The following XKR6 variants were observed in gnomAD, a reference collection of about 807,000 sequenced individuals.
The protein encoded by XKR6 is XK related 6, also known as XK-related protein 6.
A neutral mutation model predicts 56.7 loss-of-function variants in XKR6; 22 were observed. The ratio of observed to expected loss-of-function variants is 0.39; its 90% confidence interval spans 0.28 to 0.55. The LOEUF (loss-of-function observed/expected upper bound fraction) is 0.55, where lower values mean the gene tolerates loss of function less well. Among genes scored for constraint, XKR6 ranks in the 20% least tolerant of loss-of-function variants. The pLI, the probability that XKR6 is intolerant of heterozygous loss-of-function variation, is 0.66. For missense variants in XKR6, 852 were observed against 889.0 expected (o/e 0.96, Z 0.53); for synonymous variants, 524 against 387.8 (o/e 1.35, Z -4.13).
rs60435831 is a variant in XKR6 at position 11,106,863 on chromosome 8, A to AAAAAAAAG, written c.764+93712_764+93713insCTTTTTTT. Among the ~76,000 whole-genome samples, 39 of 109,920 alleles carry AAAAAAAAG rather than the reference A, an allele frequency of 3.5e-4. 1 individual carries two copies. The highest frequency in any genetic ancestry group is 9.2e-4 in the African/African-American group (20 of 21,630). 72.1% of individuals were successfully genotyped at this position (109,920 alleles called of 152,430 possible). On this transcript the variant is annotated intron_variant, in intron 1 of 2. Coordinates refer to ENST00000416569, the MANE Select transcript of XKR6 (RefSeq NM_173683.4). ...GAGACTTCATCTCAAAAAAAAAAAA[A>AAAAAAAAG]AATAAAAAAGATACAACGTTACAAA...
intron 1 of XKR6, among the ~76,000 whole-genome samples, chr8:11,061,199 C>T (rs1201562329): frequency 6.6e-6 from 1 of 152,222 alleles, no homozygotes; most frequent in Non-Finnish European, 1.5e-5. Context: ...TGTGGTGGCT[C>T]ACACCTGTAA....
At chr8:11,145,160 G>A (rs1178808275) in intron 1 of XKR6, among the ~76,000 whole-genome samples, 1 of 152,078 alleles carries the variant, frequency 6.6e-6, no homozygotes, top group African/African-American at 2.4e-5. Context: ...CAAAGGAAAT[G>A]CTCACTGGAG....
chr8:10,897,425 C>G lies in XKR6; in HGVS notation c.*527G>C, dbSNP rs1011235705. ...TTTCCCTCTTCTGGTGCAAAAATCA[C>G]CAGAGAGTTTTGCATGAGAAAACGT... On this transcript the variant is annotated 3_prime_UTR_variant, in exon 3 of 3. Coordinates refer to ENST00000416569, the MANE Select transcript of XKR6 (RefSeq NM_173683.4). 6.6e-6 allele frequency: 1 copy of G among 152,558 alleles called. No individual in the cohort carries two copies. The highest frequency in any genetic ancestry group is 2.4e-5 in the African/African-American group (1 of 41,422). The allele number at this position is 152,558 out of a possible 1,614,324, so 9.5% of individuals were successfully genotyped here.
intron 1 of XKR6, among the ~76,000 whole-genome samples, chr8:11,179,343 T>C (rs191945203): frequency 1.7e-4 from 26 of 152,274 alleles, no homozygotes; most frequent in Non-Finnish European, 3.1e-4. Context: ...TTAGCCACCA[T>C]ACAGAAAAGA....
intron 2 of XKR6, among the ~76,000 whole-genome samples, chr8:10,916,871 C>T (rs541560930): frequency 3.3e-5 from 5 of 152,288 alleles, no homozygotes; most frequent in Admixed American, 1.3e-4. Context: ...GAAGCTCAAA[C>T]GCAGCCCTCT....
In XKR6 at chr8:11,040,933, G is replaced by T. The variant is rs536037634; in HGVS notation, c.765-116103C>A. Among the ~76,000 whole-genome samples, 15 of 152,314 alleles carry T rather than the reference G, an allele frequency of 9.8e-5. No homozygotes were observed. In the South Asian group the frequency reaches 3.1e-3, roughly 32 times the overall value. Reference sequence around the variant, plus strand: ...TTTGGGGGCCTGAAGAAGACTCCCAGAAGCAGGTATCTACGTACATCGGGC... The same window carrying T: ...TTTGGGGGCCTGAAGAAGACTCCCATAAGCAGGTATCTACGTACATCGGGC... On this transcript the variant is annotated intron_variant, in intron 1 of 2. Transcript: ENST00000416569.
At chr8:11,038,407 C>T (rs1417914578) in intron 1 of XKR6, among the ~76,000 whole-genome samples, 1 of 151,632 alleles carries the variant, frequency 6.6e-6, no homozygotes, top group Non-Finnish European at 1.5e-5. Context: ...AATCAGAGAG[C>T]AGGGACACAT....
rs1259323241 is a variant in XKR6, at chr8:11,125,269, G to A, written c.764+75307C>T. Among the ~76,000 whole-genome samples, 3 of 152,072 alleles carry A rather than the reference G, an allele frequency of 2.0e-5. No homozygotes were observed. The South Asian group carries it at 6.2e-4, about 32-fold the overall frequency. ...CGAGGCAACCGCTGCTGCTCTTCCT[G>A]CAAGAGGGGCCAGGCAAATGCAGAC... is the stretch of plus-strand genomic sequence containing the variant. On this transcript the variant is annotated intron_variant, in intron 1 of 2. Transcript: ENST00000416569.
chr8:10,984,726 CTCTCTCTA>C (rs1373927028), intron 1 of XKR6, among the ~76,000 whole-genome samples: 55 of 70,288 alleles, frequency 7.8e-4, no homozygotes, highest in Admixed American at 2.4e-3. Context: ...CTCTCTCTCT[CTCTCTCTA>C]TATATATATA....
At chr8:11,181,151 A>C (rs555428463) in intron 1 of XKR6, among the ~76,000 whole-genome samples, 1 of 152,264 alleles carries the variant, frequency 6.6e-6, no homozygotes, top group East Asian at 1.9e-4. Context: ...ATGGTTGGTT[A>C]ATGTCCATCT....
At chr8:10,974,397 G>A (rs1017982031) in intron 1 of XKR6, among the ~76,000 whole-genome samples, 1 of 152,180 alleles carries the variant, frequency 6.6e-6, no homozygotes, top group Admixed American at 6.5e-5. Flanking sequence ...TCCAAACCAG[G>A]TGAGGGCAAC....
intron 1 of XKR6, among the ~76,000 whole-genome samples, chr8:10,938,140 T>G (rs923769107): frequency 6.6e-6 from 1 of 152,198 alleles, no homozygotes; most frequent in African/African-American, 2.4e-5. Flanking sequence ...AAGCGCAATA[T>G]TCGGGTGGGA....
intron 1 of XKR6, among the ~76,000 whole-genome samples, chr8:11,057,845 C>G (rs1249149704): frequency 6.6e-6 from 1 of 152,166 alleles, no homozygotes; most frequent in Non-Finnish European, 1.5e-5. Flanking sequence ...ATGAGGAGTT[C>G]CTGAGGACAC....
At chr8:11,188,023 T>A (rs1254354839) in intron 1 of XKR6, among the ~76,000 whole-genome samples, 1 of 152,162 alleles carries the variant, frequency 6.6e-6, no homozygotes, top group African/African-American at 2.4e-5. Flanking sequence ...CTGGCCTTAA[T>A]CCTGTTTTTT....
intron 1 of XKR6, among the ~76,000 whole-genome samples, chr8:11,197,022 C>T (rs1260293532): frequency 6.6e-6 from 1 of 152,166 alleles, no homozygotes; most frequent in Non-Finnish European, 1.5e-5. Flanking sequence ...AATCAGAAAA[C>T]AACGCTAAAA....
intron 1 of XKR6, among the ~76,000 whole-genome samples, chr8:10,955,473 A>T (rs1021022552): frequency 1.3e-5 from 2 of 152,178 alleles, no homozygotes; most frequent in African/African-American, 4.8e-5. Flanking sequence ...TCACCACCAC[A>T]TCCAGCCTCT....
At chr8:11,108,040 G>C in intron 1 of XKR6, 1 of 327,110 alleles carries the variant, frequency 3.1e-6, no homozygotes. Flanking sequence ...CAGCGAGGCT[G>C]TATTTTGTAG....
chr8:11,124,008 G>C (rs1473466575), intron 1 of XKR6: 3 of 455,964 alleles, frequency 6.6e-6, no homozygotes, highest in Non-Finnish European at 1.3e-5. Flanking sequence ...AAACAGTCCT[G>C]TCTCTTCATC....
chr8:10,913,377 G>A (rs1800465509), intron 2 of XKR6, among the ~76,000 whole-genome samples: 2 of 152,032 alleles, frequency 1.3e-5, no homozygotes. Context: ...AGGTGAAAAT[G>A]AGGCTCACAG....
Sources: gnomAD v4.1 joint callset for allele counts (sites outside exome capture counted in the v4.1 genomes callset) on GRCh38, gnomAD v4.1.1 for gene constraint, MANE v1.5 for transcripts, NCBI Gene and HGNC (gene_info 2026-07-23, HGNC 2026-07-21) for gene names.